EDRF1: variants seen among roughly 807,000 people sequenced by gnomAD.
The protein encoded by EDRF1 is erythroid differentiation-related factor 1.
A neutral mutation model predicts 148.7 loss-of-function variants in EDRF1; 69 were observed. The ratio of observed to expected loss-of-function variants is 0.46; its 90% CI spans 0.38 to 0.57. The LOEUF (loss-of-function observed/expected upper bound fraction) is 0.57, where lower values mean the gene tolerates loss of function less well. EDRF1 is among the 20% of genes least tolerant of loss of function. The probability of loss-of-function intolerance (pLI) is 0.00; values close to 1 mark genes in which losing one functional copy is unlikely to be tolerated. For synonymous variants in EDRF1, 515 were observed against 532.8 expected, an observed-to-expected ratio of 0.97 and a Z score of 0.46; for missense variants, 1,118 against 1,478.7, an observed-to-expected ratio of 0.76 and a Z score of 4.00.
chr10:125,753,442 G>A (rs1422639724), intron 23 of EDRF1, among the ~76,000 whole-genome samples: 4 of 152,132 alleles, frequency 2.6e-5, no homozygotes, highest in African/African-American at 4.8e-5. Context: ...GTGTGGTACC[G>A]TACATTTCTG....
chr10:125,732,447 G>A (rs1024626540), intron 9 of EDRF1, among the ~76,000 whole-genome samples: 1 of 152,142 alleles, frequency 6.6e-6, no homozygotes, highest in South Asian at 2.1e-4. Flanking sequence ...GCATTTTGAA[G>A]TTGCAGCCAT....
intron 2 of EDRF1, among the ~76,000 whole-genome samples, chr10:125,722,747 T>C (rs1424907680): frequency 6.6e-6 from 1 of 152,246 alleles, no homozygotes; most frequent in Non-Finnish European, 1.5e-5. Context: ...TATTTTCCCT[T>C]GGAGACTTTG....
At chr10:125,728,872 T>C in intron 6 of EDRF1, 131 bp from the exon 7 acceptor site, 1 of 706,416 alleles carries the variant, frequency 1.4e-6, no homozygotes, top group South Asian at 2.1e-5. Context: ...TTATTATTTG[T>C]ATTGGCCTAA....
chr10:125,748,408 A>G (rs888953751), intron 21 of EDRF1: 1 of 301,452 alleles, frequency 3.3e-6, no homozygotes, highest in African/African-American at 2.2e-5. Context: ...GTTTGATGCT[A>G]TTAGAAATAA....
At chr10:125,729,650 G>T (rs1329214140) in intron 8 of EDRF1, among the ~76,000 whole-genome samples, 171 bp downstream of exon 8, 1 of 152,164 alleles carries the variant, frequency 6.6e-6, no homozygotes, top group Non-Finnish European at 1.5e-5. Flanking sequence ...ATCTATTTGG[G>T]CATCTTCCTC....
chr10:125,742,200 ACT>A (rs1442055598), intron 17 of EDRF1: 4 of 1,285,046 alleles, frequency 3.1e-6, no homozygotes, highest in Non-Finnish European at 4.1e-6. Flanking sequence ...TTAATATGTC[ACT>A]CTGTTTGGAA....
intron 12 of EDRF1, 41 bp downstream of exon 12, chr10:125,734,224 A>G (rs1157328999): frequency 2.8e-6 from 4 of 1,438,914 alleles, no homozygotes. Context: ...CAATCCTAGC[A>G]TTCTAATAGG....
intron 17 of EDRF1, chr10:125,742,652 A>G (rs985636809): frequency 5.9e-5 from 58 of 985,156 alleles, no homozygotes; most frequent in Non-Finnish European, 7.0e-5. Context: ...TTAATCTTCG[A>G]GGGCTTCTGT....
Position 125,753,685 on chromosome 10 carries a change from T to A in EDRF1, c.3394-9T>A, listed in dbSNP as rs769471355. ...TAGCTCGAGTAAAATAACTTTTTGTTGTTTTTAGCCTAAGAGTGGTGACGC... is the reference window on the plus strand; with the variant it reads ...TAGCTCGAGTAAAATAACTTTTTGTAGTTTTTAGCCTAAGAGTGGTGACGC... On this transcript the variant is annotated splice_polypyrimidine_tract_variant and intron_variant, in intron 23 of 24. Coordinates refer to ENST00000356792, the MANE Select transcript of EDRF1 (RefSeq NM_001202438.2). 1.2e-6 allele frequency: 2 copies of A among 1,614,154 alleles called. No individual in the cohort carries two copies. The highest frequency in any genetic ancestry group is 1.7e-5 in the Admixed American group (1 of 60,006).
intron 11 of EDRF1, 130 bp downstream of exon 11, chr10:125,733,873 A>G (rs1848599560): frequency 1.1e-6 from 1 of 928,390 alleles, no homozygotes; most frequent in Non-Finnish European, 1.7e-6. Flanking sequence ...AAATACACGT[A>G]CACATTGTAC....
intron 1 of EDRF1, among the ~76,000 whole-genome samples, chr10:125,720,501 G>T (rs1461923794): frequency 6.6e-6 from 1 of 152,110 alleles, no homozygotes; most frequent in African/African-American, 2.4e-5. Flanking sequence ...TATGAATGAT[G>T]TGTTATTAAA....
chr10:125,720,130 C>T (rs1847912456), intron 1 of EDRF1, among the ~76,000 whole-genome samples: 1 of 152,222 alleles, frequency 6.6e-6, no homozygotes, highest in African/African-American at 2.4e-5. Flanking sequence ...ACGATCTTTC[C>T]TCTCAAGGAG....
intron 2 of EDRF1, among the ~76,000 whole-genome samples, chr10:125,722,390 G>A (rs1210016866): frequency 2.0e-5 from 3 of 152,144 alleles, no homozygotes; most frequent in African/African-American, 7.2e-5. Context: ...AAATAATTTG[G>A]CTCAAGCATA....
At chr10:125,761,644 A>G (rs909104636) in intron 24 of EDRF1, among the ~76,000 whole-genome samples, 10 of 152,372 alleles carry the variant, frequency 6.6e-5, no homozygotes, top group African/African-American at 2.4e-4. Context: ...TAGGGGTCAT[A>G]GGTCAGTGAA....
At chr10:125,722,772 A>G (rs906541702) in intron 2 of EDRF1, among the ~76,000 whole-genome samples, 7 of 152,250 alleles carry the variant, frequency 4.6e-5, no homozygotes, top group Non-Finnish European at 1.0e-4. Flanking sequence ...TTGTGATTAC[A>G]AAAATAAAGA....
chr10:125,735,633 T>C lies in EDRF1; in HGVS notation c.1498-11T>C, dbSNP rs1848689012. The C allele has an allele frequency of 1.2e-6, 2 of 1,611,260 alleles. No homozygotes were observed. The highest frequency in any genetic ancestry group is 1.7e-6 in the Non-Finnish European group (2 of 1,178,454). Reference sequence around the variant, plus strand: ...ACAGTAATTTACACATATTTCTCTCTTTTTCATAAGATTATTGCTTCCGCC... The same window carrying C: ...ACAGTAATTTACACATATTTCTCTCCTTTTCATAAGATTATTGCTTCCGCC... On this transcript the variant is annotated splice_polypyrimidine_tract_variant and intron_variant, in intron 12 of 24. Coordinates refer to ENST00000356792, the MANE Select transcript of EDRF1 (RefSeq NM_001202438.2).
chr10:125,723,950 G>GA lies in EDRF1; in HGVS notation c.510+20dup, dbSNP rs754232535. On this transcript the variant is annotated intron_variant, in intron 4 of 24. Transcript: ENST00000356792. ...AGATCGTCTCAGGTAATGCTTTTGT[G>GA]AAAAAATCCAACAAAACATTAACAG... 1.8e-5 allele frequency: 29 copies of GA among 1,612,392 alleles called. No homozygotes were observed. The highest frequency in any genetic ancestry group is 1.1e-4 in the South Asian group (10 of 90,950).
At chr10:125,742,530 A>G in intron 17 of EDRF1, 1 of 985,420 alleles carries the variant, frequency 1.0e-6, no homozygotes, top group South Asian at 4.7e-5. Context: ...CGTCTTTCTC[A>G]AATAATCATG....
intron 8 of EDRF1, 129 bp downstream of exon 8, chr10:125,729,608 C>A: frequency 1.7e-6 from 2 of 1,179,974 alleles, no homozygotes; most frequent in Non-Finnish European, 1.3e-6. Flanking sequence ...GGCGAAAGAG[C>A]AAGACTCGTC....
Sources: gnomAD v4.1 joint callset for allele counts (sites outside exome capture counted in the v4.1 genomes callset) on GRCh38, gnomAD v4.1.1 for gene constraint, MANE v1.5 for transcripts, NCBI Gene and HGNC (gene_info 2026-07-23, HGNC 2026-07-21) for gene names.